Variants in CRACD observed in about 807,000 individuals in gnomAD.
The protein encoded by CRACD is capping protein inhibiting regulator of actin dynamics, also known as capping protein-inhibiting regulator of actin dynamics.
A neutral mutation model predicts 106.8 loss-of-function variants in CRACD; 56 were observed. The observed-to-expected ratio is 0.52, with a 90% CI of 0.42 to 0.66. The LOEUF is 0.66. Among genes scored for constraint, CRACD ranks in the 30% least tolerant of loss-of-function variants. The probability of loss-of-function intolerance (pLI) is 0.00; values close to 1 mark genes in which losing one functional copy is unlikely to be tolerated. For synonymous variants in CRACD, 754 were observed against 670.8 expected (o/e 1.12, Z -1.92); for missense variants, 1,730 against 1,623.2 (o/e 1.07, Z -1.13).
intron 1 of CRACD, among the ~76,000 whole-genome samples, chr4:56,126,020 C>T (rs963445043): frequency 6.6e-6 from 1 of 152,002 alleles, no homozygotes; most frequent in African/African-American, 2.4e-5. Context: ...GATCTGCTCA[C>T]CTCGGCCTCC....
intron 1 of CRACD, among the ~76,000 whole-genome samples, chr4:56,106,831 G>A (rs956309135): frequency 3.3e-5 from 5 of 152,110 alleles, no homozygotes; most frequent in African/African-American, 4.8e-5. Flanking sequence ...AAAAGCACAC[G>A]GCGTACTGAA....
intron 1 of CRACD, among the ~76,000 whole-genome samples, chr4:56,126,831 C>T (rs1187052098): frequency 6.6e-6 from 1 of 152,114 alleles, no homozygotes; most frequent in Non-Finnish European, 1.5e-5. Context: ...GCTTGGGATC[C>T]ATGAGAGTTG....
At chr4:56,122,324 A>G in intron 1 of CRACD, among the ~76,000 whole-genome samples, 1 of 147,066 alleles carries the variant, frequency 6.8e-6, no homozygotes, top group East Asian at 2.0e-4. Context: ...AAAAAAAAAA[A>G]GAATTTTTAA....
intron 1 of CRACD, among the ~76,000 whole-genome samples, chr4:56,176,427 A>ATTTT (rs1398096162): frequency 2.2e-5 from 2 of 89,074 alleles, no homozygotes; most frequent in African/African-American, 4.5e-5. Context: ...TATCCTTCCA[A>ATTTT]TTTCTTTTTT....
intron 2 of CRACD, among the ~76,000 whole-genome samples, chr4:56,216,723 G>A (rs1023015047): frequency 2.6e-5 from 4 of 152,168 alleles, no homozygotes; most frequent in Non-Finnish European, 4.4e-5. Context: ...GCTCACGCCT[G>A]TAATCCCAGC....
intron 2 of CRACD, among the ~76,000 whole-genome samples, chr4:56,264,780 A>G (rs1741907805): frequency 6.6e-6 from 1 of 152,230 alleles, no homozygotes; most frequent in Non-Finnish European, 1.5e-5. Flanking sequence ...TGCAGTAAAG[A>G]CAGGCATAAG....
At chr4:56,180,039 T>C (rs1362060663) in intron 2 of CRACD, among the ~76,000 whole-genome samples, 1 of 151,966 alleles carries the variant, frequency 6.6e-6, no homozygotes, top group African/African-American at 2.4e-5. Flanking sequence ...TGGTTATCAT[T>C]GTTCATTGTT....
chr4:56,292,709 A>AGAG (rs916031442), intron 3 of CRACD, among the ~76,000 whole-genome samples: 95 of 152,214 alleles, frequency 6.2e-4, no homozygotes, highest in African/African-American at 2.2e-3. Flanking sequence ...TATTTTTAGT[A>AGAG]GAGACAGGGT....
At chr4:56,095,726 A>G (rs1423639128) in intron 1 of CRACD, among the ~76,000 whole-genome samples, 2 of 152,068 alleles carry the variant, frequency 1.3e-5, no homozygotes, top group African/African-American at 2.4e-5. Context: ...AGAGATGGAA[A>G]GTCACTGGAG....
intron 1 of CRACD, among the ~76,000 whole-genome samples, chr4:56,066,211 T>G (rs1002861956): frequency 3.3e-5 from 5 of 152,156 alleles, no homozygotes; most frequent in African/African-American, 9.7e-5. Flanking sequence ...TGGCTCTCCG[T>G]AACACCCCCA....
intron 3 of CRACD, among the ~76,000 whole-genome samples, chr4:56,289,406 T>C (rs1249523980): frequency 1.3e-5 from 2 of 152,174 alleles, no homozygotes; most frequent in Non-Finnish European, 2.9e-5. Flanking sequence ...GCATGGCGGT[T>C]CACACCTGTA....
intron 2 of CRACD, among the ~76,000 whole-genome samples, chr4:56,217,262 A>C (rs1367063460): frequency 6.6e-6 from 1 of 152,182 alleles, no homozygotes; most frequent in Non-Finnish European, 1.5e-5. Flanking sequence ...TCAATTTAGA[A>C]GTTTATTTTG....
chr4:56,231,027 C>T (rs1486901683), intron 2 of CRACD, among the ~76,000 whole-genome samples: 2 of 151,128 alleles, frequency 1.3e-5, no homozygotes, highest in East Asian at 3.9e-4. Context: ...GGTTGGTTGT[C>T]CTGGAAAATA....
intron 2 of CRACD, among the ~76,000 whole-genome samples, chr4:56,202,903 A>G (rs1162125526): frequency 6.6e-6 from 1 of 152,222 alleles, no homozygotes; most frequent in Non-Finnish European, 1.5e-5. Context: ...TTATGGTATC[A>G]ATTTGAAATT....
chr4:56,079,338 C>T (rs1157449930), intron 1 of CRACD, among the ~76,000 whole-genome samples: 2 of 151,756 alleles, frequency 1.3e-5, no homozygotes, highest in East Asian at 1.9e-4. Context: ...ATTTTAATTG[C>T]TTCATGTTTG....
At chr4:56,218,443 A>ATCCCCTCCCTTTCCT (rs1315034853) in intron 2 of CRACD, among the ~76,000 whole-genome samples, 84 of 34,070 alleles carry the variant, frequency 2.5e-3, no homozygotes, top group African/African-American at 8.2e-3. Context: ...CTCCCTTTCC[A>ATCCCCTCCCTTTCCT]TCCCCTCCCT....
At chr4:56,185,159 G>C (rs998037952) in intron 2 of CRACD, among the ~76,000 whole-genome samples, 14 of 152,208 alleles carry the variant, frequency 9.2e-5, no homozygotes, top group South Asian at 2.1e-4. Flanking sequence ...GGGTTTCACT[G>C]TGTTAGCCAG....
chr4:56,134,205 G>GA lies in CRACD; in HGVS notation c.-335-45068dup, dbSNP rs67089674. ...TGGCAGTGAGACCCTGTCTCAAAAA[G>GA]AAAAAAAAAAAGAAATCGACTCAGA... On this transcript the variant is annotated intron_variant, in intron 1 of 10. Transcript: ENST00000682029. Among the ~76,000 whole-genome samples, 184 of 138,314 alleles carry GA rather than the reference G, an allele frequency of 1.3e-3. 1 individual carries two copies. The highest frequency in any genetic ancestry group is 4.4e-3 in the African/African-American group (165 of 37,250). The allele number at this position is 138,314 out of a possible 152,430, so 90.7% of individuals were successfully genotyped here.
At chr4:56,169,299 G>A (rs1362669504) in intron 1 of CRACD, among the ~76,000 whole-genome samples, 1 of 152,140 alleles carries the variant, frequency 6.6e-6, no homozygotes, top group Admixed American at 6.6e-5. Context: ...ACAGTTTTGG[G>A]AACAAGCATC....
Sources: gnomAD v4.1 joint callset for allele counts (sites outside exome capture counted in the v4.1 genomes callset) on GRCh38, gnomAD v4.1.1 for gene constraint, MANE v1.5 for transcripts, NCBI Gene and HGNC (gene_info 2026-07-23, HGNC 2026-07-21) for gene names.